CPZ: variants seen among roughly 807,000 people sequenced by gnomAD.
CPZ encodes carboxypeptidase Z.
In CPZ, 103 loss-of-function variants were observed where a neutral mutation model predicts 61.8. The ratio of observed to expected loss-of-function variants is 1.67; its 90% CI spans 1.42 to 1.96. The LOEUF is 1.96. Ranked by LOEUF, CPZ falls within the 30% of genes most tolerant of loss-of-function variation. The probability of loss-of-function intolerance (pLI) is 0.00; values close to 1 mark genes in which losing one functional copy is unlikely to be tolerated. For synonymous variants in CPZ, 551 were observed against 373.7 expected, an observed-to-expected ratio of 1.47 and a Z score of -5.47; for missense variants, 1,461 against 914.9, an observed-to-expected ratio of 1.60 and a Z score of -7.70.
At chr4:8,617,320 A>C (rs4696870) in intron 9 of CPZ, among the ~76,000 whole-genome samples, 112,502 of 152,072 alleles carry the variant, frequency 0.74, 42,841 homozygotes, top group East Asian at 0.94. Flanking sequence ...GTGAACAGTC[A>C]CTACGGCAGA....
At chr4:8,596,532 G>A (rs1161230247) in intron 1 of CPZ, among the ~76,000 whole-genome samples, 1 of 152,220 alleles carries the variant, frequency 6.6e-6, no homozygotes, top group Non-Finnish European at 1.5e-5. Flanking sequence ...GGGTCACAGG[G>A]GATAGTCCTG....
intron 1 of CPZ, chr4:8,597,715 G>C (rs1714282941): frequency 6.6e-6 from 1 of 152,242 alleles, no homozygotes; most frequent in African/African-American, 2.4e-5. Flanking sequence ...CCTGCAGCTT[G>C]TCTCCGGGTT....
chr4:8,601,590 C>T lies in CPZ; in HGVS notation c.496+93C>T. The T allele has an allele frequency of 6.9e-6, 9 of 1,296,540 alleles. No homozygotes were observed. In the South Asian group the frequency reaches 1.6e-4, roughly 23 times the overall value. 80.3% of individuals were successfully genotyped at this position (1,296,540 alleles called of 1,614,324 possible). A position where few individuals can be genotyped will look rare whatever the true frequency, so the allele number is the denominator to read the frequency against. Reference sequence around the variant, plus strand: ...ACTGGAAGGAACTTGAGGGCTTTTCCATCGACAGTGACGGTGCAGGCATTG... The same window carrying T: ...ACTGGAAGGAACTTGAGGGCTTTTCTATCGACAGTGACGGTGCAGGCATTG... On this transcript the variant is annotated intron_variant, in intron 3 of 10. Transcript: ENST00000360986.
At chr4:8,618,105 T>G (rs559215229) in intron 9 of CPZ, 2 of 331,800 alleles carry the variant, frequency 6.0e-6, no homozygotes, top group African/African-American at 2.1e-5. Flanking sequence ...AGGGAAGGAA[T>G]GCCGATCAGG....
chr4:8,606,811 C>T lies in CPZ; in HGVS notation c.981C>T (p.Asp327=), dbSNP rs137864072. 1,190 of 1,614,158 alleles carry T rather than the reference C, an allele frequency of 7.4e-4. No homozygotes were observed. Among genetic ancestry groups the T allele is most frequent in the Middle Eastern group, 7.3e-3 (44 of 6,062 alleles). ...QNLDLNRNFP[D]LTSEYYRLAE... ...TGGATCTGAACCGAAATTTCCCGGACCTGACGTCCGAGTACTACCGGCTGG... is the reference window on the plus strand; with the variant it reads ...TGGATCTGAACCGAAATTTCCCGGATCTGACGTCCGAGTACTACCGGCTGG... The change falls in exon 6 of 11, where the codon GAC becomes GAT. Residue 327 remains aspartate (D), a synonymous_variant. Coordinates refer to ENST00000360986, the MANE Select transcript of CPZ (RefSeq NM_001014447.3).
chr4:8,605,543 T>TCCAG (rs1714895761), intron 4 of CPZ, among the ~76,000 whole-genome samples: 1 of 149,110 alleles, frequency 6.7e-6, no homozygotes, highest in African/African-American at 2.4e-5. Flanking sequence ...TATCCATCTA[T>TCCAG]CCATTCATCC....
rs904872443 is a variant in CPZ at position 8,617,701 on chromosome 4, C to T, written c.1504-728C>T. On this transcript the variant is annotated intron_variant, in intron 9 of 10. Coordinates refer to ENST00000360986, the MANE Select transcript of CPZ (RefSeq NM_001014447.3). ...GGGGGCAGCCTCGCTGGACGGACTCCTCTCCCCACAGGCATCCTGGTCCTG... is the reference window on the plus strand; with the variant it reads ...GGGGGCAGCCTCGCTGGACGGACTCTTCTCCCCACAGGCATCCTGGTCCTG... Among the ~76,000 whole-genome samples the T allele has an allele frequency of 3.3e-5, 5 of 152,320 alleles. No individual in the cohort carries two copies. In the East Asian group the frequency reaches 7.7e-4, roughly 24 times the overall value.
rs13120023 is a variant in CPZ at position 8,612,234 on chromosome 4, G to C, written c.1363+72G>C. 901 of 272,460 alleles carry C rather than the reference G, an allele frequency of 3.3e-3. 6 individuals are homozygous for C. The highest frequency in any genetic ancestry group is 4.9e-3 in the Non-Finnish European group (747 of 152,648). 16.9% of individuals were successfully genotyped at this position (272,460 alleles called of 1,614,324 possible). ...GGGCTGGGTGGGGCAGGGGCAAGGC[G>C]TAACTCCACGGTCTGCTGCTGGGAT... On this transcript the variant is annotated intron_variant, in intron 8 of 10. Coordinates refer to ENST00000360986, the MANE Select transcript of CPZ (RefSeq NM_001014447.3).
intron 7 of CPZ, among the ~76,000 whole-genome samples, chr4:8,610,167 G>A (rs1715532477): frequency 6.6e-6 from 1 of 152,118 alleles, no homozygotes; most frequent in Non-Finnish European, 1.5e-5. Context: ...TCCTCAGCCT[G>A]TGTTTCTGGG....
At chr4:8,602,479 C>T (rs1714650697) in intron 3 of CPZ, 1 of 152,400 alleles carries the variant, frequency 6.6e-6, no homozygotes, top group Non-Finnish European at 1.5e-5. Flanking sequence ...CAGTGTGTGC[C>T]ACATTCAACT....
In CPZ at chr4:8,618,116, C is replaced by T. The variant is rs139692581; in HGVS notation, c.1504-313C>T. On this transcript the variant is annotated intron_variant, in intron 9 of 10. Transcript: ENST00000360986. ...AGGCAGGGAAGGAATGCCGATCAGG[C>T]AGAAGAGTGGCAGGAAAGGGTTCTC... 3.1e-3 allele frequency: 1,124 copies of T among 360,440 alleles called. 10 individuals are homozygous for T. Among genetic ancestry groups the T allele is most frequent in the African/African-American group, 0.02 (947 of 47,788 alleles). 22.3% of individuals were successfully genotyped at this position (360,440 alleles called of 1,614,324 possible). A position where few individuals can be genotyped will look rare whatever the true frequency, so the allele number is the denominator to read the frequency against.
chr4:8,602,439 G>GT (rs1384201375), intron 3 of CPZ: 1 of 152,322 alleles, frequency 6.6e-6, no homozygotes, highest in African/African-American at 2.4e-5. Flanking sequence ...ATTTGAATGA[G>GT]TCTGAACCTG....
rs966597183 is a variant in CPZ, at chr4:8,615,672, G to C, written c.1503+1174G>C. Among the ~76,000 whole-genome samples, 231 of 152,288 alleles carry C rather than the reference G, an allele frequency of 1.5e-3. 5 individuals are homozygous for C. Among genetic ancestry groups the C allele is most frequent in the Non-Finnish European group, 2.2e-4 (15 of 68,020 alleles). ...GGGCCACACACAGGCTTGTGCTCCA[G>C]GCTCCCAATGTCTGCGAGCCAGCCA... On this transcript the variant is annotated intron_variant, in intron 9 of 10. Coordinates refer to ENST00000360986, the MANE Select transcript of CPZ (RefSeq NM_001014447.3).
In CPZ at chr4:8,611,942, G is replaced by T; in HGVS notation, c.1228-85G>T. ...CTATCTGCAATGCAGGTGTTTGCAC[G>T]CGCAGCTCCTCCCCTCATTGACCCC... On this transcript the variant is annotated intron_variant, in intron 7 of 10. Coordinates refer to ENST00000360986, the MANE Select transcript of CPZ (RefSeq NM_001014447.3). 3 of 1,591,384 alleles carry T rather than the reference G, an allele frequency of 1.9e-6. No individual in the cohort carries two copies. The South Asian group carries it at 3.4e-5, about 18-fold the overall frequency.
intron 1 of CPZ, among the ~76,000 whole-genome samples, chr4:8,593,887 G>T (rs1443955722): frequency 1.3e-5 from 2 of 152,180 alleles, no homozygotes; most frequent in Non-Finnish European, 2.9e-5. Context: ...CCCGCTGCGT[G>T]TGTGCTCATG....
In CPZ at chr4:8,614,338, C is replaced by T. The variant is rs376045708; in HGVS notation, c.1364-21C>T. 1.4e-5 allele frequency: 22 copies of T among 1,604,686 alleles called. No homozygotes were observed. In the African/African-American group the frequency reaches 2.1e-4, roughly 15 times the overall value. Reference sequence around the variant, plus strand: ...CTGTGCGGCTGACACCCCTGACGTCCCCGCTGTCTCTGTGCCACAGGCATG... The same window carrying T: ...CTGTGCGGCTGACACCCCTGACGTCTCCGCTGTCTCTGTGCCACAGGCATG... On this transcript the variant is annotated intron_variant, in intron 8 of 10. Coordinates refer to ENST00000360986, the MANE Select transcript of CPZ (RefSeq NM_001014447.3).
In CPZ at chr4:8,619,267, G is replaced by C. The variant is rs1176080837; in HGVS notation, c.1609G>C (p.Asp537His). 2.5e-6 allele frequency: 4 copies of C among 1,610,054 alleles called. No homozygotes were observed. The highest frequency in any genetic ancestry group is 3.4e-6 in the Non-Finnish European group (4 of 1,178,314). Residue 537 changes from aspartate to histidine, a missense_variant, in exon 11 of 11, where the codon GAT (aspartate) becomes CAT (histidine). Physicochemically the swap from Asp to His is moderately conservative, Grantham distance 81. Coordinates refer to ENST00000360986, the MANE Select transcript of CPZ (RefSeq NM_001014447.3). ...TTTAATCTATTTGTCCACAGCCCCA[G>C]ATGGTGACTACTGGAGACTGCTGCC... ...GIRHDITTAP[D>H]GDYWRLLPPG...
chr4:8,607,288 A>G lies in CPZ; in HGVS notation c.1090A>G (p.Ile364Val), dbSNP rs748278819. The G allele has an allele frequency of 9.9e-6, 16 of 1,613,924 alleles. No homozygotes were observed. The East Asian group carries it at 1.8e-4, about 18-fold the overall frequency. The change falls in exon 7 of 11, where the codon ATC becomes GTC. Residue 364 changes from isoleucine (I) to valine (V), a missense_variant. Ile to Val is a conservative substitution (Grantham distance 29). Transcript: ENST00000360986. ...GCAGGTGGCCCCGGAGACAAAGGCAATCATGAAGTGGATGCAGACCATACC... is the reference window on the plus strand; with the variant it reads ...GCAGGTGGCCCCGGAGACAAAGGCAGTCATGAAGTGGATGCAGACCATACC... ...WGKVAPETKA[I>V]MKWMQTIPFV...
At chr4:8,612,865 C>G (rs1467517002) in intron 8 of CPZ, among the ~76,000 whole-genome samples, 1 of 152,354 alleles carries the variant, frequency 6.6e-6, no homozygotes, top group East Asian at 1.9e-4. Context: ...AGCCAGGACC[C>G]ACGTGGCATC....
Sources: allele counts gnomAD v4.1 joint callset (sites outside exome capture counted in the v4.1 genomes callset), GRCh38; gene constraint gnomAD v4.1.1; transcripts MANE v1.5; gene names NCBI Gene and HGNC (gene_info 2026-07-23, HGNC 2026-07-21).